Variants in ALG1 observed in about 807,000 individuals in gnomAD.
ALG1 encodes ALG1 chitobiosyldiphosphodolichol beta-mannosyltransferase, also known as chitobiosyldiphosphodolichol beta-mannosyltransferase.
In ALG1, 58 loss-of-function variants were observed where a neutral mutation model predicts 55.1. The observed-to-expected ratio is 1.05, with a 90% CI of 0.85 to 1.31. The LOEUF (loss-of-function observed/expected upper bound fraction) is 1.31. Ranked by LOEUF, ALG1 falls within the 50% of genes most tolerant of loss-of-function variation. ALG1 has a pLI of 0.00. For missense variants in ALG1, 761 were observed against 598.6 expected, an observed-to-expected ratio of 1.27 and a Z score of -2.83; for synonymous variants, 309 against 247.0, an observed-to-expected ratio of 1.25 and a Z score of -2.35.
Position 5,072,878 on chromosome 16 carries a change from G to T in ALG1, c.209-73G>T, listed in dbSNP as rs2291953. 127,674 of 1,352,006 alleles carry T rather than the reference G, an allele frequency of 0.094. 6,624 individuals carry two copies. The highest frequency in any genetic ancestry group is 0.15 in the Admixed American group (8,813 of 59,622). 83.8% of individuals were successfully genotyped at this position (1,352,006 alleles called of 1,614,324 possible). A position where few individuals can be genotyped will look rare whatever the true frequency, so the allele number is the denominator to read the frequency against. ...TTTCCAAAACACTGTCCGTGATTCA[G>T]CCTGAGTTGGGAGATTATCTGACTT... is the stretch of plus-strand genomic sequence containing the variant. On this transcript the variant is annotated intron_variant, in intron 1 of 12. Transcript: ENST00000262374.
At chr16:5,072,852 C>G in intron 1 of ALG1, 99 bp from the exon 2 acceptor site, 5 of 1,146,110 alleles carry the variant, frequency 4.4e-6, no homozygotes, top group East Asian at 2.3e-5. Context: ...AAATATCTTA[C>G]TTTCCAAAAC....
intron 8 of ALG1, 123 bp from the exon 9 acceptor site, chr16:5,079,625 G>A (rs1001598239): frequency 3.2e-5 from 36 of 1,133,520 alleles, no homozygotes; most frequent in Non-Finnish European, 4.1e-5. Flanking sequence ...GGAGGCAGAG[G>A]TTGCAGTGAG....
chr16:5,076,296 T>C lies in ALG1; in HGVS notation c.539+760T>C, dbSNP rs891272386. ...GGCTGTGGCCTTCGCCCTGATAGTT[T>C]GTTCACTGGCAGTGGTGACAGCAGC... is the stretch of plus-strand genomic sequence containing the variant. On this transcript the variant is annotated intron_variant, in intron 4 of 12. Transcript: ENST00000262374. Among the ~76,000 whole-genome samples the C allele has an allele frequency of 7.2e-5, 11 of 152,376 alleles. No homozygotes were observed. In the East Asian group the frequency reaches 2.1e-3, roughly 29 times the overall value.
chr16:5,077,613 C>A, intron 5 of ALG1, 79 bp downstream of exon 5: 1 of 1,412,784 alleles, frequency 7.1e-7, no homozygotes. Flanking sequence ...GCCTTGCCTG[C>A]TGCCGTCCTG....
chr16:5,077,552 G>A lies in ALG1; in HGVS notation c.629+18G>A. 1 of 1,613,620 alleles carries A rather than the reference G, an allele frequency of 6.2e-7. No individual in the cohort carries two copies. ...CACATCAGGTACCATGGCCTGGGATGACGGCGGCCTGGGAGAGGCGCGGGG... is the reference window on the plus strand; with the variant it reads ...CACATCAGGTACCATGGCCTGGGATAACGGCGGCCTGGGAGAGGCGCGGGG... On this transcript the variant is annotated intron_variant, in intron 5 of 12. Coordinates refer to ENST00000262374, the MANE Select transcript of ALG1 (RefSeq NM_019109.5).
intron 6 of ALG1, chr16:5,078,447 C>G: frequency 6.5e-6 from 4 of 618,962 alleles, no homozygotes; most frequent in Non-Finnish European, 1.2e-5. Context: ...GAGGTGTGCC[C>G]TGGGTAAGCT....
chr16:5,082,614 C>T lies in ALG1; in HGVS notation c.1128C>T (p.Pro376=), dbSNP rs372910019. The change falls in exon 11 of 13, where the codon CCC becomes CCT. Residue 376 remains proline (P), a synonymous_variant. Transcript: ENST00000262374. ...LHTSSSGLDL[P]MKVVDMFGCC... is the part of the protein sequence containing the mutation. Reference sequence around the variant, plus strand: ...CGTCCTCCAGTGGCCTGGACCTGCCCATGAAGGTGGTGGACATGTTCGGGT... The same window carrying T: ...CGTCCTCCAGTGGCCTGGACCTGCCTATGAAGGTGGTGGACATGTTCGGGT... 2.5e-6 allele frequency: 4 copies of T among 1,611,894 alleles called. No individual in the cohort carries two copies. In the African/African-American group the frequency reaches 4.0e-5, roughly 16 times the overall value.
intron 1 of ALG1, chr16:5,072,396 A>G (rs1200231492): frequency 1.6e-5 from 10 of 611,166 alleles, no homozygotes; most frequent in Non-Finnish European, 2.6e-5. Context: ...CTGAGCTGAC[A>G]GGATATTTCA....
At chr16:5,079,914 C>G in intron 9 of ALG1, 107 bp downstream of exon 9, 1 of 1,398,614 alleles carries the variant, frequency 7.1e-7, no homozygotes, top group Non-Finnish European at 1.0e-6. Context: ...TTAATCCTCA[C>G]TGCAGCTCTG....
rs1957059603 is a variant in ALG1 at position 5,083,760 on chromosome 16, A to G, written c.1263+3A>G. ...AGGAACTGGCAGCTCAGCTGCAGGT[A>G]GCCACGTCTGCCACCACGCCAGGGT... On this transcript the variant is annotated splice_donor_region_variant and intron_variant, in intron 12 of 12. Transcript: ENST00000262374. 1 of 1,597,570 alleles carries G rather than the reference A, an allele frequency of 6.3e-7. No individual in the cohort carries two copies. The highest frequency in any genetic ancestry group is 8.5e-7 in the Non-Finnish European group (1 of 1,179,780).
chr16:5,085,461 A>G lies in ALG1; in HGVS notation c.*580A>G, dbSNP rs574276334. The G allele has an allele frequency of 9.0e-4, 569 of 633,060 alleles. No individual in the cohort carries two copies. Among genetic ancestry groups the G allele is most frequent in the Non-Finnish European group, 1.4e-3 (473 of 343,852 alleles). 39.2% of individuals were successfully genotyped at this position (633,060 alleles called of 1,614,324 possible). ...CTGCTGGCAGAAAGGGGGCACCCAC[A>G]CGCTTAGATAGCCGATGTCTTATTA... On this transcript the variant is annotated 3_prime_UTR_variant, in exon 13 of 13. Transcript: ENST00000262374.
chr16:5,084,909 G>A lies in ALG1; in HGVS notation c.*28G>A, dbSNP rs28609548. 37,185 of 1,596,260 alleles carry A rather than the reference G, an allele frequency of 0.023. 529 individuals carry two copies. Among genetic ancestry groups the A allele is most frequent in the African/African-American group, 0.038 (2,846 of 74,916 alleles). The stretch of plus-strand genomic sequence containing the variant: ...CCTGGGCCAGAGGCTAAAACCCCAG[G>A]ACCCCTGCTGTCCTTCCCGCAGCTT... On this transcript the variant is annotated 3_prime_UTR_variant, in exon 13 of 13. Coordinates refer to ENST00000262374, the MANE Select transcript of ALG1 (RefSeq NM_019109.5).
intron 4 of ALG1, among the ~76,000 whole-genome samples, chr16:5,077,174 T>C (rs1017899438): frequency 1.3e-5 from 2 of 152,110 alleles, no homozygotes; most frequent in Non-Finnish European, 2.9e-5. Flanking sequence ...AATTTGTATT[T>C]ATTTATTTAT....
At chr16:5,078,236 G>A (rs1329308452) in intron 6 of ALG1, 18 of 709,100 alleles carry the variant, frequency 2.5e-5, no homozygotes, top group Admixed American at 1.2e-4. Context: ...GCAGAATCGC[G>A]TTTTGCAACA....
Position 5,071,893 on chromosome 16 carries a change from T to C in ALG1, c.44T>C (p.Leu15Pro). The C allele has an allele frequency of 6.2e-7, 1 of 1,601,220 alleles. No individual in the cohort carries two copies. Among genetic ancestry groups the C allele is most frequent in the Non-Finnish European group, 8.5e-7 (1 of 1,175,654 alleles). ...CLVLLALCLL[L>P]PLLLLGGWKR... Reference sequence around the variant, plus strand: ...GTCCTGCTGGCGCTGTGTCTGCTGCTGCCGCTGCTGCTGCTGGGAGGATGG... The same window carrying C: ...GTCCTGCTGGCGCTGTGTCTGCTGCCGCCGCTGCTGCTGCTGGGAGGATGG... The change falls in exon 1 of 13, where the codon CTG becomes CCG. Residue 15 changes from leucine (L) to proline (P), a missense_variant. Physicochemically the swap from Leu to Pro is moderately conservative, Grantham distance 98. Transcript: ENST00000262374.
intron 12 of ALG1, chr16:5,084,339 T>C: frequency 2.7e-6 from 1 of 377,220 alleles, no homozygotes; most frequent in South Asian, 2.4e-5. Flanking sequence ...AAACACAGGC[T>C]GTGGGCTGGA....
At chr16:5,081,148 G>C in intron 10 of ALG1, 92 bp downstream of exon 10, 1 of 1,350,884 alleles carries the variant, frequency 7.4e-7, no homozygotes, top group Non-Finnish European at 1.0e-6. Context: ...GGAGGCCACT[G>C]GGGGACGGGA....
chr16:5,072,448 C>T (rs1031415106), intron 1 of ALG1: 21 of 423,292 alleles, frequency 5.0e-5, no homozygotes, highest in Non-Finnish European at 8.4e-5. Context: ...CAGATGTTTT[C>T]ATTTGTTCTT....
intron 3 of ALG1, chr16:5,073,547 C>A: frequency 2.2e-6 from 1 of 463,154 alleles, no homozygotes; most frequent in South Asian, 2.2e-5. Flanking sequence ...AATACAAGAA[C>A]CTGTTTCTTA....
Sources: allele counts gnomAD v4.1 joint callset (sites outside exome capture counted in the v4.1 genomes callset), GRCh38; gene constraint gnomAD v4.1.1; transcripts MANE v1.5; gene names NCBI Gene and HGNC (gene_info 2026-07-23, HGNC 2026-07-21).